Variants in GRIN3A observed in about 807,000 individuals in gnomAD.
GRIN3A encodes the protein glutamate receptor ionotropic, NMDA 3A.
A neutral mutation model predicts 92.4 loss-of-function variants in GRIN3A; 47 were observed. The ratio of observed to expected loss-of-function variants is 0.51; its 90% confidence interval spans 0.40 to 0.65. GRIN3A has a LOEUF of 0.65. Among genes scored for constraint, GRIN3A ranks in the 30% least tolerant of loss-of-function variants. The probability of loss-of-function intolerance (pLI) is 0.00; values close to 1 mark genes in which losing one functional copy is unlikely to be tolerated. For missense variants in GRIN3A, 1,324 were observed against 1,393.1 expected, an observed-to-expected ratio of 0.95 and a Z score of 0.79; for synonymous variants, 527 against 540.6, an observed-to-expected ratio of 0.97 and a Z score of 0.35.
intron 6 of GRIN3A, among the ~76,000 whole-genome samples, chr9:101,604,320 C>G (rs942031812): frequency 5.9e-5 from 9 of 152,332 alleles, no homozygotes; most frequent in Middle Eastern, 3.4e-3. Flanking sequence ...TGTAGCAAGA[C>G]AGATGAAGAT....
At chr9:101,615,532 A>G (rs1288663143) in intron 5 of GRIN3A, among the ~76,000 whole-genome samples, 1 of 150,890 alleles carries the variant, frequency 6.6e-6, no homozygotes, top group Non-Finnish European at 1.5e-5. Flanking sequence ...AATTTTTTGT[A>G]TTTTTAGTAG....
intron 6 of GRIN3A, chr9:101,592,269 C>A (rs1215783120): frequency 6.6e-6 from 1 of 152,138 alleles, no homozygotes; most frequent in Non-Finnish European, 1.5e-5. Flanking sequence ...GTGGGTGTAG[C>A]TAAGAACTAA....
At chr9:101,649,827 T>A (rs187054490) in intron 3 of GRIN3A, among the ~76,000 whole-genome samples, 20 of 152,198 alleles carry the variant, frequency 1.3e-4, no homozygotes, top group Admixed American at 1.2e-3. Flanking sequence ...TGTCTTTTAT[T>A]GACTGCAGTC....
chr9:101,687,012 G>A lies in GRIN3A; in HGVS notation c.888C>T (p.Asn296=), dbSNP rs33945236. The change falls in exon 2 of 9, where the codon AAC becomes AAT. Residue 296 remains asparagine (N), a synonymous_variant. Transcript: ENST00000361820. ...GGGTGGAGGGGAGGTTAGCGGTGATGTTGATGATAGAACCAAGGTGGAACT... is the reference window on the plus strand; with the variant it reads ...GGGTGGAGGGGAGGTTAGCGGTGATATTGATGATAGAACCAAGGTGGAACT... ...NSKFHLGSII[N]ITANLPSTQD... The A allele has an allele frequency of 0.17, 266,406 of 1,614,010 alleles. 23,021 individuals carry two copies. The highest frequency in any genetic ancestry group is 0.21 in the Admixed American group (12,358 of 60,004).
chr9:101,707,705 A>G (rs906248273), intron 1 of GRIN3A, among the ~76,000 whole-genome samples: 1 of 152,196 alleles, frequency 6.6e-6, no homozygotes, highest in Non-Finnish European at 1.5e-5. Flanking sequence ...TTAAGACAAT[A>G]TTGAGACAAT....
chr9:101,572,111 G>A lies in GRIN3A; in HGVS notation c.*1063C>T, dbSNP rs1486389945. On this transcript the variant is annotated 3_prime_UTR_variant, in exon 9 of 9. Coordinates refer to ENST00000361820, the MANE Select transcript of GRIN3A (RefSeq NM_133445.3). ...GGGGATTGACTTGATTTTCTATACA[G>A]ATATGCAAAGTGCAGGGCAGATTCC... 6.6e-6 allele frequency: 1 copy of A among 152,382 alleles called. No homozygotes were observed. Among genetic ancestry groups the A allele is most frequent in the East Asian group, 1.9e-4 (1 of 5,194 alleles). 9.4% of individuals were successfully genotyped at this position (152,382 alleles called of 1,614,324 possible). A position where few individuals can be genotyped will look rare whatever the true frequency, so the allele number is the denominator to read the frequency against.
intron 6 of GRIN3A, among the ~76,000 whole-genome samples, chr9:101,584,798 C>T (rs1827929611): frequency 6.6e-6 from 1 of 152,182 alleles, no homozygotes; most frequent in Non-Finnish European, 1.5e-5. Flanking sequence ...TGTTGTTGCC[C>T]AAACCCTGCT....
chr9:101,663,266 T>C (rs979622459), intron 3 of GRIN3A, among the ~76,000 whole-genome samples: 2 of 151,960 alleles, frequency 1.3e-5, no homozygotes, highest in Non-Finnish European at 2.9e-5. Context: ...ATGCTATATT[T>C]TACTTCTCAG....
Position 101,738,013 on chromosome 9 carries a change from C to T in GRIN3A, c.-34G>A, listed in dbSNP as rs376675398. 11 of 1,518,320 alleles carry T rather than the reference C, an allele frequency of 7.2e-6. No individual in the cohort carries two copies. Among genetic ancestry groups the T allele is most frequent in the South Asian group, 4.8e-5 (4 of 83,642 alleles). 94.1% of individuals were successfully genotyped at this position (1,518,320 alleles called of 1,614,324 possible). A position where few individuals can be genotyped will look rare whatever the true frequency, so the allele number is the denominator to read the frequency against. On this transcript the variant is annotated 5_prime_UTR_variant, in exon 1 of 9. Transcript: ENST00000361820. Reference sequence around the variant, plus strand: ...CCCGCAGGGAGAAAGCGCGCCCCCTCCTGCGCCCGGCTCGCCCCTCTGCAG... The same window carrying T: ...CCCGCAGGGAGAAAGCGCGCCCCCTTCTGCGCCCGGCTCGCCCCTCTGCAG...
chr9:101,694,188 A>G (rs1382525677), intron 1 of GRIN3A, among the ~76,000 whole-genome samples: 1 of 152,214 alleles, frequency 6.6e-6, no homozygotes, highest in Non-Finnish European at 1.5e-5. Flanking sequence ...AAAATAGAGT[A>G]TACACAATTA....
intron 6 of GRIN3A, among the ~76,000 whole-genome samples, chr9:101,608,705 TG>T (rs1828318602): frequency 6.6e-6 from 1 of 152,182 alleles, no homozygotes; most frequent in Non-Finnish European, 1.5e-5. Context: ...CTCCCCAGTT[TG>T]TAGAAGCTGA....
intron 6 of GRIN3A, among the ~76,000 whole-genome samples, chr9:101,606,046 G>A (rs576838441): frequency 1.3e-5 from 2 of 152,282 alleles, no homozygotes; most frequent in African/African-American, 4.8e-5. Flanking sequence ...CAAGACCAGG[G>A]TCATTTAAGT....
intron 1 of GRIN3A, among the ~76,000 whole-genome samples, chr9:101,698,267 A>G (rs769293409): frequency 6.6e-6 from 1 of 152,188 alleles, no homozygotes; most frequent in Non-Finnish European, 1.5e-5. Flanking sequence ...CTTAGCATCT[A>G]TTGGTGTTAT....
At chr9:101,588,903 A>G (rs1827983831) in intron 6 of GRIN3A, among the ~76,000 whole-genome samples, 1 of 151,984 alleles carries the variant, frequency 6.6e-6, no homozygotes, top group Non-Finnish European at 1.5e-5. Flanking sequence ...TGGTTGTTTA[A>G]TTTTTTAAAT....
intron 6 of GRIN3A, chr9:101,594,718 T>TC (rs773100893): frequency 4.3e-6 from 7 of 1,613,698 alleles, no homozygotes; most frequent in Non-Finnish European, 5.1e-6. Flanking sequence ...AGTCCACTTC[T>TC]CCATCACCGT....
chr9:101,588,689 C>A (rs1827980654), intron 6 of GRIN3A, among the ~76,000 whole-genome samples: 2 of 152,088 alleles, frequency 1.3e-5, no homozygotes, highest in Admixed American at 6.5e-5. Flanking sequence ...TGAACAATGA[C>A]CATATGCACA....
intron 6 of GRIN3A, among the ~76,000 whole-genome samples, chr9:101,600,611 G>A (rs1828198409): frequency 6.6e-6 from 1 of 152,134 alleles, no homozygotes; most frequent in Non-Finnish European, 1.5e-5. Context: ...AGATGTTCTG[G>A]GAAGGAATGA....
At chr9:101,578,303 A>G (rs1286152195) in intron 7 of GRIN3A, among the ~76,000 whole-genome samples, 3 of 152,208 alleles carry the variant, frequency 2.0e-5, no homozygotes, top group Non-Finnish European at 4.4e-5. Flanking sequence ...TCCCAGGATA[A>G]AAGTAGGAAG....
chr9:101,644,504 T>G (rs562162644), intron 3 of GRIN3A, among the ~76,000 whole-genome samples: 3 of 150,222 alleles, frequency 2.0e-5, no homozygotes, highest in Non-Finnish European at 3.0e-5. Context: ...TAGATATGTA[T>G]GTGGTAAAGG....
Sources: gnomAD v4.1 joint callset for allele counts (sites outside exome capture counted in the v4.1 genomes callset) on GRCh38, gnomAD v4.1.1 for gene constraint, MANE v1.5 for transcripts, NCBI Gene and HGNC (gene_info 2026-07-23, HGNC 2026-07-21) for gene names.